TNR: variants seen among roughly 807,000 people sequenced by gnomAD.
TNR encodes tenascin R.
A neutral mutation model predicts 150.4 loss-of-function variants in TNR; 45 were observed. That is an observed-to-expected ratio of 0.30 (90% confidence interval 0.24 to 0.38). TNR has a LOEUF of 0.38. Ranked by LOEUF, TNR falls within the 10% of genes least tolerant of loss-of-function variation. TNR has a pLI of 1.00. For missense variants in TNR, 1,544 were observed against 1,759.1 expected (o/e 0.88, Z 2.19); for synonymous variants, 687 against 678.4 (o/e 1.01, Z -0.20).
chr1:175,712,560 A>G (rs1667047344), intron 1 of TNR, among the ~76,000 whole-genome samples: 1 of 152,140 alleles, frequency 6.6e-6, no homozygotes, highest in South Asian at 2.1e-4. Context: ...CAAATCTCAT[A>G]TTGAATTATA....
intron 1 of TNR, among the ~76,000 whole-genome samples, chr1:175,719,461 C>A (rs919427591): frequency 6.6e-6 from 1 of 152,222 alleles, no homozygotes; most frequent in Non-Finnish European, 1.5e-5. Context: ...CTGCCATCAC[C>A]AGCTGTGAGG....
intron 1 of TNR, among the ~76,000 whole-genome samples, chr1:175,634,235 T>C (rs144917023): frequency 6.6e-6 from 1 of 152,292 alleles, no homozygotes; most frequent in East Asian, 1.9e-4. Flanking sequence ...CCCTGAATGA[T>C]TGTCTTTCTG....
intron 1 of TNR, among the ~76,000 whole-genome samples, chr1:175,632,964 G>A (rs1331805602): frequency 1.2e-4 from 18 of 152,174 alleles, no homozygotes; most frequent in Non-Finnish European, 7.3e-5. Context: ...GGAGTTCTTG[G>A]CCATATACAG....
Position 175,741,379 on chromosome 1 carries a change from A to G in TNR, c.-165+1847T>C, listed in dbSNP as rs566072033. Reference sequence around the variant, plus strand: ...ATTAATGAGATAATGACTACTAAGTATGGTGACTTCAGTAATAAACTGTGG... The same window carrying G: ...ATTAATGAGATAATGACTACTAAGTGTGGTGACTTCAGTAATAAACTGTGG... On this transcript the variant is annotated intron_variant, in intron 1 of 22. Coordinates refer to ENST00000367674, the MANE Select transcript of TNR (RefSeq NM_003285.3). Among the ~76,000 whole-genome samples, 12 of 152,328 alleles carry G rather than the reference A, an allele frequency of 7.9e-5. No individual in the cohort carries two copies. In the South Asian group the frequency reaches 2.1e-3, roughly 26 times the overall value.
At chr1:175,696,891 A>G (rs1447392915) in intron 1 of TNR, among the ~76,000 whole-genome samples, 1 of 152,090 alleles carries the variant, frequency 6.6e-6, no homozygotes, top group Non-Finnish European at 1.5e-5. Context: ...AAAAAAAAAA[A>G]AAAAAAGAAT....
intron 1 of TNR, among the ~76,000 whole-genome samples, chr1:175,619,008 G>A (rs1438885018): frequency 6.6e-6 from 1 of 152,124 alleles, no homozygotes; most frequent in African/African-American, 2.4e-5. Context: ...TGCCCAGGTG[G>A]GTGAAGGGCT....
At chr1:175,489,189 C>T (rs189271602) in intron 2 of TNR, among the ~76,000 whole-genome samples, 216 of 152,274 alleles carry the variant, frequency 1.4e-3, no homozygotes, top group Non-Finnish European at 2.4e-3. Context: ...CAAGATCACC[C>T]GGGGCCCAGC....
At chr1:175,325,128 G>C (rs1053430269) in intron 21 of TNR, among the ~76,000 whole-genome samples, 1 of 152,222 alleles carries the variant, frequency 6.6e-6, no homozygotes, top group African/African-American at 2.4e-5. Flanking sequence ...CGGACTTCAA[G>C]AGGGAGACAT....
At position 175,588,157 on chromosome 1, in the gene TNR, G is replaced by T. The variant is rs573435870; in HGVS notation, c.-164-59788C>A. On this transcript the variant is annotated intron_variant, in intron 1 of 22. Transcript: ENST00000367674. ...GATAATGAGTTCACAGTCACTGGAG[G>T]AATTCAATAAGATATTCCATAACCG... is the stretch of plus-strand genomic sequence containing the variant. 2.6e-5 allele frequency among the ~76,000 whole-genome samples: 4 copies of T among 152,330 alleles called. No homozygotes were observed. The South Asian group carries it at 8.3e-4, about 32-fold the overall frequency.
At chr1:175,742,404 A>C (rs150557762) in intron 1 of TNR, among the ~76,000 whole-genome samples, 1 of 152,300 alleles carries the variant, frequency 6.6e-6, no homozygotes, top group Non-Finnish European at 1.5e-5. Flanking sequence ...CCCAGAAAAC[A>C]GGGCAGAACA....
At position 175,546,885 on chromosome 1, in the gene TNR, G is replaced by T. The variant is rs566970600; in HGVS notation, c.-164-18516C>A. Among the ~76,000 whole-genome samples, 17 of 152,304 alleles carry T rather than the reference G, an allele frequency of 1.1e-4. No individual in the cohort carries two copies. In the South Asian group the frequency reaches 3.1e-3, roughly 28 times the overall value. ...CATGGAGGTGGGCAAGTGGGCACAG[G>T]CTCACCTCAAGTTGACCAGAGTCAA... On this transcript the variant is annotated intron_variant, in intron 1 of 22. Coordinates refer to ENST00000367674, the MANE Select transcript of TNR (RefSeq NM_003285.3).
chr1:175,362,777 T>C lies in TNR; in HGVS notation c.2740A>G (p.Thr914Ala), dbSNP rs1170608889. 1.6e-5 allele frequency: 26 copies of C among 1,613,930 alleles called. No individual in the cohort carries two copies. The highest frequency in any genetic ancestry group is 2.1e-5 in the Non-Finnish European group (25 of 1,179,988). ...CTGGTGATGGTGAATTCTGTCACAGTGTTGGGCACCACTGAGCTGTCTAGT... is the reference window on the plus strand; with the variant it reads ...CTGGTGATGGTGAATTCTGTCACAGCGTTGGGCACCACTGAGCTGTCTAGT... ...GRLDSSVVPNTVTEFTITRLN... is the reference protein window; with the variant it reads ...GRLDSSVVPNAVTEFTITRLN... Residue 914 changes from threonine to alanine, a missense_variant, in exon 14 of 23, where the codon ACT becomes GCT. Physicochemically the swap from Thr to Ala is moderately conservative, Grantham distance 58. Around this residue, in one of 2 missense-constraint regions of TNR, gnomAD observed 1,254 missense variants for 1,329.4 expected, o/e 0.94. Transcript: ENST00000367674.
At chr1:175,647,539 A>G (rs1454451564) in intron 1 of TNR, among the ~76,000 whole-genome samples, 1 of 152,174 alleles carries the variant, frequency 6.6e-6, no homozygotes, top group Non-Finnish European at 1.5e-5. Flanking sequence ...GGTTCTGCCT[A>G]GATGAAGAAA....
intron 1 of TNR, among the ~76,000 whole-genome samples, chr1:175,542,383 C>G (rs1489829921): frequency 3.9e-5 from 6 of 152,132 alleles, no homozygotes; most frequent in Non-Finnish European, 5.9e-5. Flanking sequence ...GTGGCCAGTC[C>G]CCATGTCTCA....
chr1:175,348,076 A>G (rs1650883245), intron 18 of TNR, among the ~76,000 whole-genome samples: 2 of 152,206 alleles, frequency 1.3e-5, no homozygotes, highest in Non-Finnish European at 2.9e-5. Flanking sequence ...TACTGGATTG[A>G]TATAAAAAAT....
chr1:175,615,592 G>A (rs902223417), intron 1 of TNR, among the ~76,000 whole-genome samples: 3 of 152,122 alleles, frequency 2.0e-5, no homozygotes, highest in Admixed American at 2.0e-4. Context: ...TGTAAACTCA[G>A]ATGAGTGTGA....
intron 1 of TNR, among the ~76,000 whole-genome samples, chr1:175,666,631 A>C (rs1241411384): frequency 1.3e-5 from 2 of 152,264 alleles, no homozygotes; most frequent in Non-Finnish European, 2.9e-5. Flanking sequence ...CGAACGTCGG[A>C]CTGGCTGGAC....
intron 1 of TNR, among the ~76,000 whole-genome samples, chr1:175,685,669 C>T (rs1041708225): frequency 6.6e-6 from 1 of 152,052 alleles, no homozygotes; most frequent in African/African-American, 2.4e-5. Context: ...GGATTAGAGG[C>T]GTCATCATAT....
Position 175,355,560 on chromosome 1 carries a change from G to T in TNR, c.3192C>A (p.Pro1064=), listed in dbSNP as rs1052977203. 1 of 1,613,978 alleles carries T rather than the reference G, an allele frequency of 6.2e-7. No homozygotes were observed. Among genetic ancestry groups the T allele is most frequent in the Non-Finnish European group, 8.5e-7 (1 of 1,179,950 alleles). The change falls in exon 17 of 23, where the codon CCC becomes CCA. Residue 1064 remains proline (P), a synonymous_variant. Transcript: ENST00000367674. The stretch of plus-strand genomic sequence containing the variant: ...AGACATAATTTTCAATCTCTGCCCT[G>T]GGAGGCTGCCAGGAGATCAGGGCAC... ...RQSALISWQP[P]RAEIENYVLT...
Sources: allele counts gnomAD v4.1 joint callset (sites outside exome capture counted in the v4.1 genomes callset), GRCh38; gene constraint gnomAD v4.1.1; regional missense constraint gnomAD v4.1.1; transcripts MANE v1.5; gene names NCBI Gene and HGNC (gene_info 2026-07-23, HGNC 2026-07-21).